MAGI1: variants seen among roughly 807,000 people sequenced by gnomAD.
The protein encoded by MAGI1 is membrane associated guanylate kinase, WW and PDZ domain containing 1, also known as membrane-associated guanylate kinase, WW and PDZ domain-containing protein 1.
In MAGI1, 58 loss-of-function variants were observed where a neutral mutation model predicts 139.9. That is an observed-to-expected ratio of 0.41 (90% CI 0.34 to 0.52). The LOEUF (loss-of-function observed/expected upper bound fraction) is 0.52, where lower values mean the gene tolerates loss of function less well. Among genes scored for constraint, MAGI1 ranks in the 20% least tolerant of loss-of-function variants. The pLI, the probability that MAGI1 is intolerant of heterozygous loss-of-function variation, is 0.12. For missense variants in MAGI1, 1,874 were observed against 1,901.6 expected (o/e 0.99, Z 0.27); for synonymous variants, 812 against 737.9 (o/e 1.10, Z -1.63).
chr3:65,593,668 T>C (rs1221305040), intron 2 of MAGI1, among the ~76,000 whole-genome samples: 1 of 152,210 alleles, frequency 6.6e-6, no homozygotes, highest in East Asian at 1.9e-4. Context: ...CTGAACTTCA[T>C]AATGACTGCA....
At chr3:66,016,938 G>A (rs1364773441) in intron 1 of MAGI1, among the ~76,000 whole-genome samples, 2 of 152,132 alleles carry the variant, frequency 1.3e-5, no homozygotes, top group African/African-American at 4.8e-5. Flanking sequence ...GGTATCTGGA[G>A]TAGTCAAATT....
intron 1 of MAGI1, among the ~76,000 whole-genome samples, chr3:66,031,803 G>A (rs1459971078): frequency 6.6e-6 from 1 of 152,026 alleles, no homozygotes; most frequent in African/African-American, 2.4e-5. Flanking sequence ...AGTACACAGG[G>A]ACAATGCTGC....
At chr3:65,587,074 G>A (rs1280493534) in intron 2 of MAGI1, among the ~76,000 whole-genome samples, 1 of 152,000 alleles carries the variant, frequency 6.6e-6, no homozygotes, top group East Asian at 1.9e-4. Flanking sequence ...TTGAGGTTGG[G>A]GTTGAAGCTC....
chr3:65,657,131 C>T (rs960541457), intron 1 of MAGI1, among the ~76,000 whole-genome samples: 5 of 152,012 alleles, frequency 3.3e-5, no homozygotes, highest in Admixed American at 1.3e-4. Context: ...CTGGAATCCA[C>T]GCAACATCCC....
intron 18 of MAGI1, chr3:65,371,844 A>T (rs193099785): frequency 2.5e-6 from 1 of 405,868 alleles, no homozygotes; most frequent in Admixed American, 2.9e-5. Flanking sequence ...AAGTTTTATC[A>T]TGAGATTACG....
intron 1 of MAGI1, among the ~76,000 whole-genome samples, chr3:65,947,015 C>T (rs1187575059): frequency 1.3e-5 from 2 of 152,184 alleles, no homozygotes; most frequent in East Asian, 1.9e-4. Flanking sequence ...TTTCAATTTA[C>T]AGCTAAATGT....
chr3:65,859,041 T>C (rs1284619294), intron 1 of MAGI1, among the ~76,000 whole-genome samples: 3 of 152,170 alleles, frequency 2.0e-5, no homozygotes, highest in Admixed American at 2.0e-4. Flanking sequence ...GCTTTAAAAA[T>C]GCTAAAACTG....
intron 1 of MAGI1, among the ~76,000 whole-genome samples, chr3:65,846,424 T>TTAC (rs1367693756): frequency 1.3e-5 from 2 of 152,204 alleles, no homozygotes; most frequent in Non-Finnish European, 2.9e-5. Flanking sequence ...TTGAGTGACC[T>TTAC]TAGTAAGTTA....
chr3:65,686,535 C>T (rs1042734640), intron 1 of MAGI1, among the ~76,000 whole-genome samples: 11 of 152,182 alleles, frequency 7.2e-5, no homozygotes, highest in African/African-American at 1.2e-4. Flanking sequence ...TCATGATACT[C>T]CCGCCTTGGC....
chr3:65,706,261 T>A (rs2030264829), intron 1 of MAGI1, among the ~76,000 whole-genome samples: 1 of 152,204 alleles, frequency 6.6e-6, no homozygotes, highest in South Asian at 2.1e-4. Flanking sequence ...AGGACCAAAA[T>A]TTATGTTTTA....
intron 2 of MAGI1, among the ~76,000 whole-genome samples, chr3:65,584,763 G>A (rs1041090906): frequency 1.1e-4 from 16 of 152,240 alleles, no homozygotes; most frequent in South Asian, 2.1e-4. Flanking sequence ...ATAGTGCCTC[G>A]CAAAACTATA....
chr3:65,401,368 A>ACCCACCC, intron 13 of MAGI1, 71 bp downstream of exon 13: 2 of 1,323,562 alleles, frequency 1.5e-6, no homozygotes, highest in African/African-American at 1.5e-5. Context: ...CACACAGAGT[A>ACCCACCC]CCCTCCCACC....
intron 12 of MAGI1, among the ~76,000 whole-genome samples, chr3:65,418,371 G>A (rs1206866410): frequency 6.6e-6 from 1 of 152,126 alleles, no homozygotes; most frequent in Admixed American, 6.5e-5. Context: ...GGGTCAAATG[G>A]AAAGAGGCTT....
intron 3 of MAGI1, among the ~76,000 whole-genome samples, chr3:65,484,430 C>T (rs13081976): frequency 0.22 from 32,852 of 152,044 alleles, 3,675 homozygotes; most frequent in African/African-American, 0.24. Flanking sequence ...GCATTTTCAA[C>T]GGGGCAATAT....
intron 1 of MAGI1, among the ~76,000 whole-genome samples, chr3:65,859,166 C>G (rs533299552): frequency 6.6e-6 from 1 of 152,162 alleles, no homozygotes; most frequent in Non-Finnish European, 1.5e-5. Flanking sequence ...AATCCTGTCT[C>G]TACTAAAAAT....
chr3:65,958,295 T>C (rs1418286805), intron 1 of MAGI1, among the ~76,000 whole-genome samples: 1 of 152,242 alleles, frequency 6.6e-6, no homozygotes, highest in East Asian at 1.9e-4. Context: ...ATTCTTAACA[T>C]GCAGGAACAA....
At chr3:66,024,719 T>C (rs559539870) in intron 1 of MAGI1, among the ~76,000 whole-genome samples, 82 of 152,210 alleles carry the variant, frequency 5.4e-4, no homozygotes, top group African/African-American at 2.0e-3. Flanking sequence ...AGCAGGAGAA[T>C]TGCCTGAACC....
chr3:65,560,240 C>T (rs891971907), intron 2 of MAGI1, among the ~76,000 whole-genome samples: 3 of 152,154 alleles, frequency 2.0e-5, no homozygotes, highest in Admixed American at 2.0e-4. Context: ...CACATTACTG[C>T]CGCTAAATCA....
chr3:65,747,200 A>G (rs1284137725), intron 1 of MAGI1, among the ~76,000 whole-genome samples: 2 of 152,214 alleles, frequency 1.3e-5, no homozygotes, highest in Non-Finnish European at 2.9e-5. Context: ...GTGGTTCTCA[A>G]ACTGTGTTTA....
Sources: allele counts gnomAD v4.1 joint callset (sites outside exome capture counted in the v4.1 genomes callset), GRCh38; gene constraint gnomAD v4.1.1; transcripts MANE v1.5; gene names NCBI Gene and HGNC (gene_info 2026-07-23, HGNC 2026-07-21).